The following WDFY1 variants were observed in gnomAD, a reference collection of about 807,000 sequenced individuals.
The protein encoded by WDFY1 is WD repeat and FYVE domain-containing protein 1.
Under a neutral mutation model 56.4 loss-of-function variants are expected in WDFY1, and 32 were observed. That is an observed-to-expected ratio of 0.57 (90% CI 0.43 to 0.76). WDFY1 has a LOEUF of 0.76. WDFY1 is among the 30% of genes least tolerant of loss of function. The pLI, the probability that WDFY1 is intolerant of heterozygous loss-of-function variation, is 0.00. For synonymous variants in WDFY1, 192 were observed against 197.3 expected (o/e 0.97, Z 0.23); for missense variants, 480 against 545.7 (o/e 0.88, Z 1.20).
At chr2:223,913,892 T>G (rs991943097) in intron 2 of WDFY1, among the ~76,000 whole-genome samples, 13 of 151,670 alleles carry the variant, frequency 8.6e-5, no homozygotes, top group African/African-American at 3.2e-4. Flanking sequence ...GCTCTCTCCC[T>G]AGAAAGGAGG....
At chr2:223,886,975 T>G (rs558517628) in intron 8 of WDFY1, among the ~76,000 whole-genome samples, 1 of 152,218 alleles carries the variant, frequency 6.6e-6, no homozygotes, top group East Asian at 1.9e-4. Context: ...GGCCTTTTTT[T>G]GAGGTGGGGG....
At chr2:223,936,212 C>A (rs1374255792) in intron 1 of WDFY1, among the ~76,000 whole-genome samples, 2 of 151,878 alleles carry the variant, frequency 1.3e-5, no homozygotes, top group African/African-American at 4.8e-5. Context: ...CAGGCATGAG[C>A]CCCTACACCT....
At chr2:223,906,906 T>G (rs1693605296) in intron 3 of WDFY1, among the ~76,000 whole-genome samples, 1 of 151,840 alleles carries the variant, frequency 6.6e-6, no homozygotes, top group Non-Finnish European at 1.5e-5. Flanking sequence ...CAACCTCAAC[T>G]AAAGCTATGA....
intron 1 of WDFY1, among the ~76,000 whole-genome samples, chr2:223,929,779 C>T (rs947047249): frequency 1.6e-4 from 25 of 152,184 alleles, no homozygotes; most frequent in Admixed American, 1.6e-3. Context: ...AGGAGAGATA[C>T]GATCTGAAAA....
Position 223,894,272 on chromosome 2 carries a change from C to T in WDFY1, c.793G>A (p.Gly265Arg), listed in dbSNP as rs144718337. 125 of 1,614,160 alleles carry T rather than the reference C, an allele frequency of 7.7e-5. No individual in the cohort carries two copies. In the East Asian group the frequency reaches 1.2e-3, roughly 15 times the overall value. Residue 265 changes from glycine to arginine, a missense_variant, in exon 8 of 12, where the codon GGA (glycine) becomes AGA (arginine). Physicochemically the swap from Gly to Arg is moderately radical, Grantham distance 125 (BLOSUM62 -2). Coordinates refer to ENST00000233055, the MANE Select transcript of WDFY1 (RefSeq NM_020830.5). ...ACATCCATGTTCCACACTGCAATTC[C>T]GCCGTCCGAGGAACAGGAGACGAGC... is the stretch of plus-strand genomic sequence containing the variant. ...RQLVSCSSDGGIAVWNMDVSR... is the reference protein window; with the variant it reads ...RQLVSCSSDGRIAVWNMDVSR...
At position 223,894,251 on chromosome 2, in the gene WDFY1, C is replaced by A; in HGVS notation, c.814G>T (p.Asp272Tyr). 1 of 1,614,186 alleles carries A rather than the reference C, an allele frequency of 6.2e-7. No homozygotes were observed. The highest frequency in any genetic ancestry group is 8.5e-7 in the Non-Finnish European group (1 of 1,180,006). Residue 272 changes from aspartate to tyrosine, a missense_variant, in exon 8 of 12, where the codon GAT becomes TAT. Coordinates refer to ENST00000233055, the MANE Select transcript of WDFY1 (RefSeq NM_020830.5). ...SDGGIAVWNMDVSREEAPQWL... is the reference protein window; with the variant it reads ...SDGGIAVWNMYVSREEAPQWL... The stretch of plus-strand genomic sequence containing the variant: ...TCTCTTACCTCTTCTCTGCTAACAT[C>A]CATGTTCCACACTGCAATTCCGCCG...
intron 5 of WDFY1, chr2:223,900,793 C>A (rs1181837463): frequency 6.2e-6 from 1 of 160,588 alleles, no homozygotes; most frequent in Non-Finnish European, 1.4e-5. Flanking sequence ...TTCCTTCCTT[C>A]ACACAATAAA....
chr2:223,923,393 G>C lies in WDFY1; in HGVS notation c.138-5383C>G, dbSNP rs116127985. 5.9e-3 allele frequency among the ~76,000 whole-genome samples: 906 copies of C among 152,276 alleles called. 5 individuals are homozygous for C. Among genetic ancestry groups the C allele is most frequent in the Admixed American group, 0.014 (212 of 15,296 alleles). ...TTCCAGACTAAAAAATTACTATCCA[G>C]TAAATTGGAAGTAAAATCTACTATT... On this transcript the variant is annotated intron_variant, in intron 1 of 11. Transcript: ENST00000233055.
intron 1 of WDFY1, among the ~76,000 whole-genome samples, chr2:223,928,274 T>C (rs1158884888): frequency 1.3e-5 from 2 of 152,248 alleles, no homozygotes; most frequent in East Asian, 3.9e-4. Flanking sequence ...AAATGCAGTA[T>C]CTGAGAAGCA....
rs1362466849 is a variant in WDFY1, at chr2:223,875,520, C to A, written c.*3151G>T. ...GAACAAAGTGTACTAATTAACATTA[C>A]CCCTTGCTTCCCCAGTCAAAAAAGG... On this transcript the variant is annotated 3_prime_UTR_variant, in exon 12 of 12. Transcript: ENST00000233055. The A allele has an allele frequency of 6.6e-6, 1 of 152,132 alleles. No individual in the cohort carries two copies. Among genetic ancestry groups the A allele is most frequent in the Non-Finnish European group, 1.5e-5 (1 of 68,016 alleles). The allele number at this position is 152,132 out of a possible 1,614,324, so 9.4% of individuals were successfully genotyped here.
chr2:223,878,609 T>A lies in WDFY1; in HGVS notation c.*62A>T. ...CACGAGACAGCGCTGTGGAGCTGCG[T>A]GAGAGGGACTTCATTTGGTGGAGCT... On this transcript the variant is annotated 3_prime_UTR_variant, in exon 12 of 12. Transcript: ENST00000233055. The A allele has an allele frequency of 2.3e-6, 3 of 1,294,226 alleles. No homozygotes were observed. Among genetic ancestry groups the A allele is most frequent in the Non-Finnish European group, 3.4e-6 (3 of 892,314 alleles). 80.2% of individuals were successfully genotyped at this position (1,294,226 alleles called of 1,614,324 possible).
intron 1 of WDFY1, among the ~76,000 whole-genome samples, chr2:223,929,027 A>G (rs1694031303): frequency 6.6e-6 from 1 of 152,226 alleles, no homozygotes; most frequent in African/African-American, 2.4e-5. Context: ...AGGCAGAGCC[A>G]GCAGAGCTGG....
chr2:223,941,193 G>A (rs527516637), intron 1 of WDFY1, among the ~76,000 whole-genome samples: 1 of 152,196 alleles, frequency 6.6e-6, no homozygotes, highest in South Asian at 2.1e-4. Flanking sequence ...CTAACCTCAG[G>A]TGATCTGCCT....
At chr2:223,900,938 C>T (rs1693497696) in intron 5 of WDFY1, 1 of 427,854 alleles carries the variant, frequency 2.3e-6, no homozygotes, top group Admixed American at 4.1e-5. Flanking sequence ...TTTTAATAAA[C>T]CCAATTTACA....
intron 2 of WDFY1, among the ~76,000 whole-genome samples, chr2:223,916,830 T>C (rs573797628): frequency 1.2e-4 from 18 of 151,844 alleles, no homozygotes; most frequent in African/African-American, 3.9e-4. Context: ...TTTTTTTTTT[T>C]TGATACGGAG....
At chr2:223,927,260 G>C (rs1215586591) in intron 1 of WDFY1, among the ~76,000 whole-genome samples, 1 of 152,204 alleles carries the variant, frequency 6.6e-6, no homozygotes, top group East Asian at 1.9e-4. Context: ...TTCTCTACTA[G>C]CTATGAAAGT....
At chr2:223,895,469 G>A (rs765871648) in intron 7 of WDFY1, 35 bp downstream of exon 7, 36 of 1,613,178 alleles carry the variant, frequency 2.2e-5, no homozygotes, top group African/African-American at 5.3e-5. Context: ...CCACTAACTC[G>A]GATTCTTTCC....
intron 1 of WDFY1, among the ~76,000 whole-genome samples, chr2:223,929,151 C>T (rs1237535873): frequency 6.6e-6 from 1 of 150,994 alleles, no homozygotes; most frequent in Non-Finnish European, 1.5e-5. Context: ...CAGCATGTGT[C>T]CCTGTCTAAC....
At chr2:223,887,918 G>A (rs1297614795) in intron 8 of WDFY1, among the ~76,000 whole-genome samples, 1 of 152,018 alleles carries the variant, frequency 6.6e-6, no homozygotes, top group Non-Finnish European at 1.5e-5. Flanking sequence ...GACTAAGGTG[G>A]GTAGAATTGA....
Sources: allele counts gnomAD v4.1 joint callset (sites outside exome capture counted in the v4.1 genomes callset), GRCh38; gene constraint gnomAD v4.1.1; transcripts MANE v1.5; gene names NCBI Gene and HGNC (gene_info 2026-07-23, HGNC 2026-07-21).